SCHIP1: variants seen among roughly 807,000 people sequenced by gnomAD.
SCHIP1 encodes the protein schwannomin interacting protein 1, also known as schwannomin-interacting protein 1.
A neutral mutation model predicts 29.7 loss-of-function variants in SCHIP1; 8 were observed. The observed-to-expected ratio is 0.27, with a 90% CI of 0.16 to 0.49. SCHIP1 has a LOEUF of 0.49. Ranked by LOEUF, SCHIP1 falls within the 20% of genes least tolerant of loss-of-function variation. The pLI, the probability that SCHIP1 is intolerant of heterozygous loss-of-function variation, is 0.99. For missense variants in SCHIP1, 193 were observed against 294.6 expected (o/e 0.66, Z 2.52); for synonymous variants, 76 against 94.9 (o/e 0.80, Z 1.16).
the SCHIP1 span, among the ~76,000 whole-genome samples, chr3:159,360,964 T>A: frequency 6.6e-6 from 1 of 152,144 alleles, no homozygotes; most frequent in Non-Finnish European, 1.5e-5. Context: ...CCTCAGACAA[T>A]ATCGGGGTTA....
At chr3:159,811,966 TTG>T in the SCHIP1 span, among the ~76,000 whole-genome samples, 91 of 85,272 alleles carry the variant, frequency 1.1e-3, no homozygotes, top group South Asian at 0.022. Flanking sequence ...GTAGTTTTTT[TTG>T]TTTTTGTTTT....
chr3:159,643,422 C>G, the SCHIP1 span, among the ~76,000 whole-genome samples: 1 of 152,128 alleles, frequency 6.6e-6, no homozygotes, highest in East Asian at 1.9e-4. Flanking sequence ...AGACAGAGTA[C>G]CAACAGACTC....
chr3:159,845,058 C>A (rs1031170611), intron 1 of SCHIP1, among the ~76,000 whole-genome samples: 14 of 152,216 alleles, frequency 9.2e-5, no homozygotes, highest in Non-Finnish European at 2.1e-4. Flanking sequence ...TCTGCATGGC[C>A]TTCAAGGCCC....
the SCHIP1 span, among the ~76,000 whole-genome samples, chr3:159,439,144 C>G: frequency 6.6e-6 from 1 of 152,104 alleles, no homozygotes; most frequent in Non-Finnish European, 1.5e-5. Context: ...ACAACCTCAC[C>G]AATATCTGTT....
At chr3:159,550,471 TCTA>T in the SCHIP1 span, among the ~76,000 whole-genome samples, 1 of 152,124 alleles carries the variant, frequency 6.6e-6, no homozygotes, top group African/African-American at 2.4e-5. Flanking sequence ...CCTCTTTATC[TCTA>T]CTAAGACTTT....
the SCHIP1 span, among the ~76,000 whole-genome samples, chr3:159,330,533 T>G: frequency 6.6e-6 from 1 of 152,186 alleles, no homozygotes; most frequent in African/African-American, 2.4e-5. Flanking sequence ...CTTTGTAGAT[T>G]TATAGTATTG....
the SCHIP1 span, among the ~76,000 whole-genome samples, chr3:159,653,767 AG>A: frequency 6.6e-6 from 1 of 150,950 alleles, no homozygotes; most frequent in South Asian, 2.1e-4. Flanking sequence ...AAAAAAAAAA[AG>A]ATTTGATAGA....
chr3:159,673,215 A>G, the SCHIP1 span, among the ~76,000 whole-genome samples: 1,378 of 152,292 alleles, frequency 9.0e-3, 22 homozygotes, highest in African/African-American at 0.031. Flanking sequence ...TCTCTGCCTT[A>G]ATTAAGCTAA....
chr3:159,530,696 A>G, the SCHIP1 span, among the ~76,000 whole-genome samples: 8 of 152,300 alleles, frequency 5.3e-5, no homozygotes, highest in African/African-American at 1.9e-4. Context: ...ATGTTAACAG[A>G]CAACCCATTT....
the SCHIP1 span, among the ~76,000 whole-genome samples, chr3:159,828,376 C>CACACAT: frequency 1.3e-5 from 1 of 75,710 alleles, no homozygotes; most frequent in African/African-American, 6.5e-5. Flanking sequence ...TATATATATA[C>CACACAT]ATATATATAT....
chr3:159,526,280 C>T, the SCHIP1 span, among the ~76,000 whole-genome samples: 1 of 152,240 alleles, frequency 6.6e-6, no homozygotes, highest in Admixed American at 6.5e-5. Context: ...GCGATCATCC[C>T]ACCTCAGCCT....
the SCHIP1 span, among the ~76,000 whole-genome samples, chr3:159,284,637 C>A: frequency 6.6e-6 from 1 of 151,952 alleles, no homozygotes; most frequent in Non-Finnish European, 1.5e-5. Flanking sequence ...TACAGGTGTA[C>A]GCCACCACAC....
chr3:159,548,467 T>C, the SCHIP1 span, among the ~76,000 whole-genome samples: 1 of 151,946 alleles, frequency 6.6e-6, no homozygotes, highest in African/African-American at 2.4e-5. Context: ...ATCGGCTCTC[T>C]CTCTCATTCT....
the SCHIP1 span, among the ~76,000 whole-genome samples, chr3:159,458,940 T>G: frequency 6.6e-6 from 1 of 152,218 alleles, no homozygotes; most frequent in South Asian, 2.1e-4. Context: ...TTATTCTTAA[T>G]GCAGTTTAAC....
the SCHIP1 span, among the ~76,000 whole-genome samples, chr3:159,725,759 C>G: frequency 1.1e-4 from 16 of 152,286 alleles, 1 homozygote; most frequent in African/African-American, 3.6e-4. Flanking sequence ...TGTCTTTTAA[C>G]AGGGCCAATG....
At chr3:159,413,778 G>A in the SCHIP1 span, among the ~76,000 whole-genome samples, 1 of 152,042 alleles carries the variant, frequency 6.6e-6, no homozygotes, top group Non-Finnish European at 1.5e-5. Flanking sequence ...CTTTCTTCAG[G>A]TTGGTGTGAA....
At chr3:159,415,219 T>C in the SCHIP1 span, among the ~76,000 whole-genome samples, 1 of 12,780 alleles carries the variant, frequency 7.8e-5, no homozygotes, top group Non-Finnish European at 1.5e-4. Context: ...AATAGCAACA[T>C]GACTTTGGCA....
At chr3:159,709,711 G>T in the SCHIP1 span, among the ~76,000 whole-genome samples, 1 of 152,208 alleles carries the variant, frequency 6.6e-6, no homozygotes, top group Admixed American at 6.5e-5. Flanking sequence ...GCCTTGGTCT[G>T]TTAAGACACT....
the SCHIP1 span, among the ~76,000 whole-genome samples, chr3:159,682,798 T>C: frequency 4.6e-5 from 7 of 152,164 alleles, no homozygotes; most frequent in African/African-American, 1.7e-4. Flanking sequence ...ATTCAAACCA[T>C]TGTTTCATTT....
Sources: gnomAD v4.1 joint callset for allele counts (sites outside exome capture counted in the v4.1 genomes callset) on GRCh38, gnomAD v4.1.1 for gene constraint, MANE v1.5 for transcripts, NCBI Gene and HGNC (gene_info 2026-07-23, HGNC 2026-07-21) for gene names.